Variants in PNPLA3 observed in about 807,000 individuals in gnomAD.
PNPLA3 encodes the protein 1-acylglycerol-3-phosphate O-acyltransferase PNPLA3.
Under a neutral mutation model 43.1 loss-of-function variants are expected in PNPLA3, and 42 were observed. That is an observed-to-expected ratio of 0.97 (90% CI 0.76 to 1.26). PNPLA3 has a LOEUF of 1.26. Ranked by LOEUF, PNPLA3 falls within the 50% of genes most tolerant of loss-of-function variation. The pLI is 0.00. For missense variants in PNPLA3, 647 were observed against 621.4 expected (o/e 1.04, Z -0.44); for synonymous variants, 272 against 253.6 (o/e 1.07, Z -0.69).
intron 7 of PNPLA3, among the ~76,000 whole-genome samples, chr22:43,941,657 G>A (rs2050031931): frequency 6.6e-6 from 1 of 152,156 alleles, no homozygotes; most frequent in African/African-American, 2.4e-5. Flanking sequence ...CATTAGGCCA[G>A]GGCACTGCAA....
rs1259369358 is a variant in PNPLA3, at chr22:43,946,693, G to A, written c.*311G>A. 1.7e-6 allele frequency: 1 copy of A among 574,440 alleles called. No individual in the cohort carries two copies. The highest frequency in any genetic ancestry group is 3.4e-6 in the Non-Finnish European group (1 of 296,992). The allele number at this position is 574,440 out of a possible 1,614,324, so 35.6% of individuals were successfully genotyped here. ...TAATGGTCAGACTGTTCCAGCATGA[G>A]GTTCTTAGAATGACAGGTGTTTGGA... On this transcript the variant is annotated 3_prime_UTR_variant, in exon 9 of 9. Coordinates refer to ENST00000216180, the MANE Select transcript of PNPLA3 (RefSeq NM_025225.3).
At chr22:43,932,375 A>T (rs1335587306) in intron 3 of PNPLA3, among the ~76,000 whole-genome samples, 1 of 152,072 alleles carries the variant, frequency 6.6e-6, no homozygotes, top group Non-Finnish European at 1.5e-5. Flanking sequence ...ATGGGGGGAG[A>T]TGGGCTCATG....
chr22:43,945,152 TGAGC>T (rs2050054919), intron 8 of PNPLA3, among the ~76,000 whole-genome samples: 2 of 152,200 alleles, frequency 1.3e-5, no homozygotes, highest in African/African-American at 4.8e-5. Context: ...CTGGCGTGTC[TGAGC>T]GAAGGAGCTC....
Position 43,923,839 on chromosome 22 carries a change from C to A in PNPLA3, c.-73C>A, listed in dbSNP as rs1449378145. 1 of 1,366,166 alleles carries A rather than the reference C, an allele frequency of 7.3e-7. No individual in the cohort carries two copies. Among genetic ancestry groups the A allele is most frequent in the Non-Finnish European group, 9.5e-7 (1 of 1,053,896 alleles). The allele number at this position is 1,366,166 out of a possible 1,614,324, so 84.6% of individuals were successfully genotyped here. A position where few individuals can be genotyped will look rare whatever the true frequency, so the allele number is the denominator to read the frequency against. Reference sequence around the variant, plus strand: ...TTGCGGGCGCCGGGCGGAGCTGCTGCGGATCAGGACCCGAGCCGATTCCCG... The same window carrying A: ...TTGCGGGCGCCGGGCGGAGCTGCTGAGGATCAGGACCCGAGCCGATTCCCG... On this transcript the variant is annotated 5_prime_UTR_variant, in exon 1 of 9. Coordinates refer to ENST00000216180, the MANE Select transcript of PNPLA3 (RefSeq NM_025225.3).
intron 4 of PNPLA3, among the ~76,000 whole-genome samples, chr22:43,933,850 A>C (rs934521567): frequency 1.3e-5 from 2 of 152,236 alleles, no homozygotes; most frequent in Non-Finnish European, 2.9e-5. Flanking sequence ...TATGCAATGC[A>C]ATGCATGCTC....
intron 4 of PNPLA3, among the ~76,000 whole-genome samples, chr22:43,933,344 C>G (rs551287704): frequency 2.0e-5 from 3 of 152,148 alleles, no homozygotes; most frequent in African/African-American, 7.2e-5. Context: ...CAGGGGGGTG[C>G]AGTATGGGTA....
rs2049908239 is a variant in PNPLA3 at position 43,924,433 on chromosome 22, G to A, written c.187+335G>A. 2.0e-5 allele frequency: 6 copies of A among 306,070 alleles called. No individual in the cohort carries two copies. The South Asian group carries it at 4.2e-4, about 21-fold the overall frequency. The allele number at this position is 306,070 out of a possible 1,614,324, so 19.0% of individuals were successfully genotyped here. On this transcript the variant is annotated intron_variant, in intron 1 of 8. Transcript: ENST00000216180. Reference sequence around the variant, plus strand: ...AGCGTCTCGGAGCGACGGGGAGTAGGGAGCGGGACCCGGGGCGGAGGGTAG... The same window carrying A: ...AGCGTCTCGGAGCGACGGGGAGTAGAGAGCGGGACCCGGGGCGGAGGGTAG...
In PNPLA3 at chr22:43,923,893, C is replaced by A; in HGVS notation, c.-19C>A. ...CCGACCCAGATCCTAACCCGCGCCC[C>A]CGCCCCGCCGCCGCCGCCATGTACG... On this transcript the variant is annotated 5_prime_UTR_variant, in exon 1 of 9. Transcript: ENST00000216180. The A allele has an allele frequency of 6.7e-7, 1 of 1,494,892 alleles. No individual in the cohort carries two copies. The highest frequency in any genetic ancestry group is 2.7e-5 in the East Asian group (1 of 37,484). 92.6% of individuals were successfully genotyped at this position (1,494,892 alleles called of 1,614,324 possible). A position where few individuals can be genotyped will look rare whatever the true frequency, so the allele number is the denominator to read the frequency against.
chr22:43,924,851 T>G lies in PNPLA3; in HGVS notation c.187+753T>G, dbSNP rs541182011. Among the ~76,000 whole-genome samples, 164 of 152,124 alleles carry G rather than the reference T, an allele frequency of 1.1e-3. 1 individual carries two copies. The highest frequency in any genetic ancestry group is 1.9e-4 in the Non-Finnish European group (13 of 67,984). Reference sequence around the variant, plus strand: ...TTTTAGTAGAGACGGGGTTTCACCGTGTTAGCCAGGATGGTCTCGATCTCC... The same window carrying G: ...TTTTAGTAGAGACGGGGTTTCACCGGGTTAGCCAGGATGGTCTCGATCTCC... On this transcript the variant is annotated intron_variant, in intron 1 of 8. Coordinates refer to ENST00000216180, the MANE Select transcript of PNPLA3 (RefSeq NM_025225.3).
chr22:43,936,598 G>A (rs2049996873), intron 5 of PNPLA3, among the ~76,000 whole-genome samples: 2 of 152,194 alleles, frequency 1.3e-5, no homozygotes, highest in Non-Finnish European at 2.9e-5. Flanking sequence ...TTCAAATCCT[G>A]GCTCTGCTAT....
intron 6 of PNPLA3, chr22:43,939,573 G>T (rs34376930): frequency 0.19 from 48,894 of 253,900 alleles, 5,142 homozygotes; most frequent in East Asian, 0.4. Flanking sequence ...CTAGCACTTT[G>T]GGAGGCCGAG....
rs778068264 is a variant in PNPLA3, at chr22:43,926,965, TGCGGAAGGCCAGGA to T, written c.220_233del (p.Arg74SerfsTer45). 4.3e-6 allele frequency: 7 copies of T among 1,614,274 alleles called. No individual in the cohort carries two copies. In the East Asian group the frequency reaches 1.6e-4, roughly 36 times the overall value. ...ACTCTGCAGGTCCTCTCAGATCTTG[TGCGGAAGGCCAGGA>T]GTCGGAACATTGGCATCTTCCATCC... On this transcript the variant is annotated frameshift_variant, in exon 2 of 9. Coordinates refer to ENST00000216180, the MANE Select transcript of PNPLA3 (RefSeq NM_025225.3). LOFTEE classifies it high-confidence loss of function.
At chr22:43,932,725 G>T (rs1428538977) in intron 3 of PNPLA3, among the ~76,000 whole-genome samples, 153 bp from the exon 4 acceptor site, 1 of 152,236 alleles carries the variant, frequency 6.6e-6, no homozygotes, top group African/African-American at 2.4e-5. Context: ...GTAAGGATTT[G>T]TCGCAGGAGT....
chr22:43,924,979 C>T (rs371435414), intron 1 of PNPLA3, among the ~76,000 whole-genome samples: 3 of 152,214 alleles, frequency 2.0e-5, no homozygotes, highest in South Asian at 2.1e-4. Context: ...GCCCAGCCTT[C>T]TGGGGGCTGG....
chr22:43,925,679 A>G (rs1458135995), intron 1 of PNPLA3, among the ~76,000 whole-genome samples: 2 of 152,176 alleles, frequency 1.3e-5, no homozygotes, highest in Admixed American at 6.5e-5. Context: ...GCCTTCCCCT[A>G]AGCCAGGGGG....
chr22:43,924,242 C>T, intron 1 of PNPLA3, 144 bp downstream of exon 1: 1 of 982,234 alleles, frequency 1.0e-6, no homozygotes, highest in East Asian at 3.3e-5. Flanking sequence ...AGGGCCCCCT[C>T]CGAGGCAGAT....
At position 43,927,120 on chromosome 22, in the gene PNPLA3, G is replaced by C. The variant is rs1178449046; in HGVS notation, c.373G>C (p.Glu125Gln). 6 of 1,614,238 alleles carry C rather than the reference G, an allele frequency of 3.7e-6. No homozygotes were observed. The highest frequency in any genetic ancestry group is 5.1e-6 in the Non-Finnish European group (6 of 1,180,048). ...CTCTCTTACCAGAGTGTCTGATGGG[G>C]AAAACGTTCTGGTGTCTGACTTTCG... ...GISLTRVSDGENVLVSDFRSK... is the reference protein window; with the variant it reads ...GISLTRVSDGQNVLVSDFRSK... The change falls in exon 2 of 9, where the codon GAA becomes CAA. Residue 125 changes from glutamate (E) to glutamine (Q), a missense_variant. By Grantham distance (29) the Glu-to-Gln change is conservative. Coordinates refer to ENST00000216180, the MANE Select transcript of PNPLA3 (RefSeq NM_025225.3).
chr22:43,939,819 G>GA (rs2050019586), intron 6 of PNPLA3, among the ~76,000 whole-genome samples, 174 bp from the exon 7 acceptor site: 3 of 151,966 alleles, frequency 2.0e-5, no homozygotes, highest in Non-Finnish European at 2.9e-5. Flanking sequence ...ACTCTGTCTG[G>GA]AAAAAAAAGA....
intron 7 of PNPLA3, among the ~76,000 whole-genome samples, chr22:43,941,743 A>C (rs549697269): frequency 2.0e-5 from 3 of 152,276 alleles, no homozygotes; most frequent in Admixed American, 2.0e-4. Flanking sequence ...ATATATGGAT[A>C]GGAAAACCGA....
Sources: gnomAD v4.1 joint callset for allele counts (sites outside exome capture counted in the v4.1 genomes callset) on GRCh38, gnomAD v4.1.1 for gene constraint, MANE v1.5 for transcripts, NCBI Gene and HGNC (gene_info 2026-07-23, HGNC 2026-07-21) for gene names.